PROS1: variants seen among roughly 807,000 people sequenced by gnomAD.
The protein encoded by PROS1 is vitamin K-dependent protein S.
A neutral mutation model predicts 75.9 loss-of-function variants in PROS1; 29 were observed. The ratio of observed to expected loss-of-function variants is 0.38; its 90% CI spans 0.28 to 0.52. The LOEUF (loss-of-function observed/expected upper bound fraction) is 0.52, where lower values mean the gene tolerates loss of function less well. Ranked by LOEUF, PROS1 falls within the 20% of genes least tolerant of loss-of-function variation. The pLI is 0.83. For synonymous variants in PROS1, 245 were observed against 280.6 expected (o/e 0.87, Z 1.27); for missense variants, 680 against 810.3 (o/e 0.84, Z 1.95).
chr3:93,928,769 T>C, intron 1 of PROS1: 3 of 1,289,476 alleles, frequency 2.3e-6, no homozygotes, highest in South Asian at 1.3e-5. Flanking sequence ...CACGGTTGTA[T>C]ATAAAATCAT....
intron 1 of PROS1, among the ~76,000 whole-genome samples, chr3:93,952,610 C>T (rs1423666234): frequency 3.9e-5 from 6 of 152,144 alleles, no homozygotes; most frequent in Non-Finnish European, 8.8e-5. Context: ...GAACTAAAGG[C>T]TCACAAAAGA....
rs777431045 is a variant in PROS1 at position 93,877,026 on chromosome 3, G to A, written c.1810C>T (p.Leu604Phe). The part of the protein sequence containing the change: ...TISHEDLQRQ[L>F]AVLDKAMKAK... Reference sequence around the variant, plus strand: ...TTCATTGCTTTGTCCAAGACGGCAAGTTGTCTTTGAAGGTCTTCATGGGAG... The same window carrying A: ...TTCATTGCTTTGTCCAAGACGGCAAATTGTCTTTGAAGGTCTTCATGGGAG... The change falls in exon 14 of 15, where the codon CTT becomes TTT. Residue 604 changes from leucine (L) to phenylalanine (F), a missense_variant. Transcript: ENST00000394236. 1.1e-5 allele frequency: 17 copies of A among 1,614,042 alleles called. 1 individual carries two copies. The South Asian group carries it at 1.8e-4, about 17-fold the overall frequency.
At chr3:93,933,570 C>T (rs1049144604) in intron 1 of PROS1, among the ~76,000 whole-genome samples, 3 of 148,376 alleles carry the variant, frequency 2.0e-5, no homozygotes, top group South Asian at 2.2e-4. Context: ...CAAGACCTTG[C>T]CTCAAAAAAA....
chr3:93,906,123 G>T lies in PROS1; in HGVS notation c.367C>A (p.Pro123Thr). Residue 123 changes from proline (P) to threonine (T), a missense_variant, in exon 5 of 15, where the codon CCT (proline) becomes ACT (threonine). Physicochemically the swap from Pro to Thr is conservative, Grantham distance 38 (BLOSUM62 -1). Transcript: ENST00000394236. Reference sequence around the variant, plus strand: ...TATCCATCTTCATTGCATGGCAGAGGACTACACTGGTCTGGAATGGCTGAA... The same window carrying T: ...TATCCATCTTCATTGCATGGCAGAGTACTACACTGGTCTGGAATGGCTGAA... Reference protein sequence around the residue: ...CVNAIPDQCSPLPCNEDGYMS... With the variant: ...CVNAIPDQCSTLPCNEDGYMS... 6.2e-7 allele frequency: 1 copy of T among 1,613,614 alleles called. No homozygotes were observed. The highest frequency in any genetic ancestry group is 8.5e-7 in the Non-Finnish European group (1 of 1,179,934).
Position 93,905,773 on chromosome 3 carries a change from C to T in PROS1, c.601+11G>A, listed in dbSNP as rs1310679815. 13 of 1,609,976 alleles carry T rather than the reference C, an allele frequency of 8.1e-6. No individual in the cohort carries two copies. Among genetic ancestry groups the T allele is most frequent in the Non-Finnish European group, 1.0e-5 (12 of 1,176,534 alleles). On this transcript the variant is annotated intron_variant, in intron 6 of 14. Coordinates refer to ENST00000394236, the MANE Select transcript of PROS1 (RefSeq NM_000313.4). ...AGTAAATGTGTTTTAATTCTACCATCCTGCTCTTACCTTTACAATCTTTCT... is the reference window on the plus strand; with the variant it reads ...AGTAAATGTGTTTTAATTCTACCATTCTGCTCTTACCTTTACAATCTTTCT...
At chr3:93,888,823 T>A (rs544359357) in intron 10 of PROS1, among the ~76,000 whole-genome samples, 10 of 152,278 alleles carry the variant, frequency 6.6e-5, no homozygotes, top group Non-Finnish European at 1.3e-4. Flanking sequence ...TAGCTTCTGA[T>A]TGGGATTATC....
At chr3:93,919,299 T>C (rs371865332) in intron 3 of PROS1, among the ~76,000 whole-genome samples, 2 of 152,344 alleles carry the variant, frequency 1.3e-5, no homozygotes, top group Admixed American at 6.5e-5. Flanking sequence ...CTTTCTAATT[T>C]TTGGCAGACT....
Position 93,948,128 on chromosome 3 carries a change from G to C in PROS1, c.77-20721C>G, listed in dbSNP as rs551621675. ...CAAAACATATAAACTAACAATCAAA[G>C]ATCGCCAGATATTTGCATACAGTTA... On this transcript the variant is annotated intron_variant, in intron 1 of 14. Transcript: ENST00000394236. 7.2e-5 allele frequency among the ~76,000 whole-genome samples: 11 copies of C among 152,242 alleles called. No individual in the cohort carries two copies. The East Asian group carries it at 1.9e-3, about 27-fold the overall frequency.
intron 1 of PROS1, among the ~76,000 whole-genome samples, chr3:93,953,348 G>A (rs547559626): frequency 2.4e-4 from 37 of 152,218 alleles, no homozygotes; most frequent in Non-Finnish European, 3.5e-4. Context: ...CTGGCAAACC[G>A]AATCCAGCAG....
chr3:93,883,205 C>T (rs1412463707), intron 12 of PROS1, among the ~76,000 whole-genome samples: 1 of 152,180 alleles, frequency 6.6e-6, no homozygotes, highest in South Asian at 2.1e-4. Context: ...AACAAGAGCA[C>T]TCTGCTAGGG....
Position 93,927,262 on chromosome 3 carries a change from A to G in PROS1, c.222T>C (p.Asn74=). ...NKEEAREVFE[N]DPETDYFYPK... is the part of the protein sequence containing the mutation. ...CATAAATGCTTACCGTTTCCGGGTC[A>G]TTTTCAAAGACCTCCCTGGCTTCTT... Residue 74 remains asparagine (N), a synonymous_variant, in exon 2 of 15, where the codon AAT becomes AAC. Transcript: ENST00000394236. 2 of 1,612,390 alleles carry G rather than the reference A, an allele frequency of 1.2e-6. No individual in the cohort carries two copies. The highest frequency in any genetic ancestry group is 2.2e-5 in the East Asian group (1 of 44,858).
intron 1 of PROS1, among the ~76,000 whole-genome samples, chr3:93,936,561 G>A (rs1428167964): frequency 2.0e-5 from 3 of 152,162 alleles, no homozygotes; most frequent in Non-Finnish European, 2.9e-5. Context: ...GGCCATCTGA[G>A]TAGCCAGCGA....
chr3:93,951,178 A>G (rs948007130), intron 1 of PROS1, among the ~76,000 whole-genome samples: 2 of 152,214 alleles, frequency 1.3e-5, no homozygotes, highest in African/African-American at 4.8e-5. Flanking sequence ...TCTTCAGGAT[A>G]TTATCCAGGA....
chr3:93,973,586 G>C, intron 1 of PROS1, 88 bp downstream of exon 1: 1 of 1,395,818 alleles, frequency 7.2e-7, no homozygotes, highest in Non-Finnish European at 1.0e-6. Context: ...GGAGGCTGCA[G>C]CTCTAGAGAA....
intron 8 of PROS1, among the ~76,000 whole-genome samples, chr3:93,897,962 G>A (rs1181110862): frequency 6.6e-6 from 1 of 151,932 alleles, no homozygotes; most frequent in Non-Finnish European, 1.5e-5. Context: ...TCCTAGAAAT[G>A]GTTAAAAGGG....
intron 10 of PROS1, among the ~76,000 whole-genome samples, chr3:93,890,826 C>G (rs1306784500): frequency 6.6e-6 from 1 of 152,148 alleles, no homozygotes; most frequent in Non-Finnish European, 1.5e-5. Flanking sequence ...AACTTCTTGT[C>G]TGGGTGCAGT....
intron 1 of PROS1, among the ~76,000 whole-genome samples, chr3:93,944,778 C>A (rs1467410135): frequency 7.9e-5 from 12 of 151,942 alleles, no homozygotes; most frequent in Admixed American, 7.9e-4. Flanking sequence ...CATTCAAAAG[C>A]TAGCAGAAGG....
At chr3:93,889,761 T>G (rs1708403434) in intron 10 of PROS1, among the ~76,000 whole-genome samples, 1 of 152,188 alleles carries the variant, frequency 6.6e-6, no homozygotes, top group African/African-American at 2.4e-5. Context: ...CTTAATCCTG[T>G]TATCTTCATA....
chr3:93,901,236 A>G (rs1186927016), intron 6 of PROS1, among the ~76,000 whole-genome samples: 1 of 152,202 alleles, frequency 6.6e-6, no homozygotes, highest in Admixed American at 6.5e-5. Context: ...GGAGGTCTTG[A>G]AAACAGATTC....
Sources: allele counts gnomAD v4.1 joint callset (sites outside exome capture counted in the v4.1 genomes callset), GRCh38; gene constraint gnomAD v4.1.1; transcripts MANE v1.5; gene names NCBI Gene and HGNC (gene_info 2026-07-23, HGNC 2026-07-21).